PDGFD: variants seen among roughly 807,000 people sequenced by gnomAD.
PDGFD encodes the protein platelet derived growth factor D.
PDGFD carries 30 observed loss-of-function variants against 44.7 expected under a neutral mutation model. The ratio of observed to expected loss-of-function variants is 0.67; its 90% CI spans 0.50 to 0.91. The LOEUF is 0.91. Ranked by LOEUF, PDGFD falls within the 40% of genes least tolerant of loss-of-function variation. PDGFD has a pLI of 0.00. For synonymous variants in PDGFD, 173 were observed against 168.4 expected (o/e 1.03, Z -0.21); for missense variants, 445 against 457.8 (o/e 0.97, Z 0.25).
chr11:104,037,387 G>GA, intron 1 of PDGFD: 2 of 1,614,122 alleles, frequency 1.2e-6, no homozygotes, highest in Non-Finnish European at 1.7e-6. Context: ...GCAGCAAAGG[G>GA]AAAAGGCCTT....
At chr11:103,932,346 C>T (rs1311438406) in intron 5 of PDGFD, among the ~76,000 whole-genome samples, 1 of 152,000 alleles carries the variant, frequency 6.6e-6, no homozygotes, top group Admixed American at 6.6e-5. Flanking sequence ...TAATACTGAC[C>T]AACTATAGGC....
At position 104,057,915 on chromosome 11, in the gene PDGFD, C is replaced by T. The variant is rs993707726; in HGVS notation, c.125-57660G>A. The stretch of plus-strand genomic sequence containing the variant: ...ATAAAGATGTCAAAATAATTTAATG[C>T]GGAAAGATTAGTTTTCAATAAATTG... On this transcript the variant is annotated intron_variant, in intron 1 of 6. Coordinates refer to ENST00000393158, the MANE Select transcript of PDGFD (RefSeq NM_025208.5). 2.6e-5 allele frequency among the ~76,000 whole-genome samples: 4 copies of T among 152,056 alleles called. No homozygotes were observed. The East Asian group carries it at 5.8e-4, about 22-fold the overall frequency.
intron 3 of PDGFD, among the ~76,000 whole-genome samples, chr11:103,984,597 A>C (rs1859324633): frequency 6.6e-6 from 1 of 151,428 alleles, no homozygotes; most frequent in Non-Finnish European, 1.5e-5. Context: ...TATTCATAGT[A>C]GTTGTGTTTA....
chr11:103,935,700 T>C (rs2134316935), intron 5 of PDGFD, among the ~76,000 whole-genome samples: 1 of 152,330 alleles, frequency 6.6e-6, no homozygotes, highest in South Asian at 2.1e-4. Context: ...GAGCAATTAA[T>C]AGAAATATCT....
At chr11:104,141,049 CTCT>C (rs1490418421) in intron 1 of PDGFD, among the ~76,000 whole-genome samples, 2 of 152,178 alleles carry the variant, frequency 1.3e-5, no homozygotes, top group South Asian at 2.1e-4. Context: ...GCTTCTATCT[CTCT>C]TCTTCTCCAA....
chr11:104,163,027 G>A (rs1342192464), intron 1 of PDGFD, among the ~76,000 whole-genome samples: 1 of 152,170 alleles, frequency 6.6e-6, no homozygotes, highest in African/African-American at 2.4e-5. Flanking sequence ...GTGTCCTCTA[G>A]AGTAAAGGAA....
intron 3 of PDGFD, among the ~76,000 whole-genome samples, chr11:103,975,798 T>A (rs1859175981): frequency 6.6e-6 from 1 of 152,142 alleles, no homozygotes; most frequent in Non-Finnish European, 1.5e-5. Flanking sequence ...GAAGATCAGA[T>A]TGTTGTAGAG....
In PDGFD at chr11:104,040,754, C is replaced by T. The variant is rs540397911; in HGVS notation, c.125-40499G>A. 2.4e-4 allele frequency among the ~76,000 whole-genome samples: 36 copies of T among 151,834 alleles called. 1 individual carries two copies. Among genetic ancestry groups the T allele is most frequent in the Non-Finnish European group, 4.7e-4 (32 of 67,802 alleles). ...CAACAAACTACATTTTACATTGTGA[C>T]CCAATTTTACACACTATACACACAC... On this transcript the variant is annotated intron_variant, in intron 1 of 6. Transcript: ENST00000393158.
chr11:104,071,333 T>C (rs912807198), intron 1 of PDGFD, among the ~76,000 whole-genome samples: 1 of 151,744 alleles, frequency 6.6e-6, no homozygotes. Context: ...ATTGTAAATA[T>C]ATGTGTATAT....
chr11:103,920,943 T>A (rs1027946594), intron 6 of PDGFD, among the ~76,000 whole-genome samples: 2 of 152,208 alleles, frequency 1.3e-5, no homozygotes, highest in African/African-American at 4.8e-5. Flanking sequence ...TAACAACAGA[T>A]AATGAATATG....
At chr11:103,925,716 C>CACACACACATATAT (rs1198529368) in intron 6 of PDGFD, among the ~76,000 whole-genome samples, 15 of 122,778 alleles carry the variant, frequency 1.2e-4, no homozygotes, top group African/African-American at 4.2e-4. Flanking sequence ...CACACACACA[C>CACACACACATATAT]ATATATATAT....
At chr11:104,028,196 A>G (rs1165626060) in intron 1 of PDGFD, among the ~76,000 whole-genome samples, 2 of 151,506 alleles carry the variant, frequency 1.3e-5, no homozygotes, top group East Asian at 3.9e-4. Context: ...TCAAAGAAAA[A>G]AAAAAAAAAA....
intron 1 of PDGFD, among the ~76,000 whole-genome samples, chr11:104,033,049 GGT>G (rs34144830): frequency 0.058 from 8,526 of 146,202 alleles, 819 homozygotes; most frequent in African/African-American, 0.2. Context: ...TATGTTTAGG[GGT>G]GTGTGTGTGT....
chr11:103,972,532 A>C (rs551637758), intron 3 of PDGFD, among the ~76,000 whole-genome samples: 2 of 152,136 alleles, frequency 1.3e-5, no homozygotes, highest in African/African-American at 4.8e-5. Flanking sequence ...GCCAGTCACT[A>C]TCCTGGCTTC....
At chr11:104,007,373 T>C (rs1859719273) in intron 1 of PDGFD, among the ~76,000 whole-genome samples, 3 of 152,168 alleles carry the variant, frequency 2.0e-5, no homozygotes, top group African/African-American at 7.2e-5. Flanking sequence ...TATGTGATAA[T>C]CCATCATCAT....
At chr11:103,914,542 C>T (rs1858083575) in intron 6 of PDGFD, among the ~76,000 whole-genome samples, 1 of 147,726 alleles carries the variant, frequency 6.8e-6, no homozygotes, top group African/African-American at 2.5e-5. Context: ...TGGTACTATT[C>T]CTTCTGAAAC....
At chr11:104,088,986 T>C (rs1463631836) in intron 1 of PDGFD, among the ~76,000 whole-genome samples, 1 of 152,144 alleles carries the variant, frequency 6.6e-6, no homozygotes, top group Non-Finnish European at 1.5e-5. Context: ...TATACTGCTT[T>C]CACCTTTAAG....
chr11:103,909,648 A>T lies in PDGFD; in HGVS notation c.*46T>A, dbSNP rs771869112. ...AAGGGTCTCTTATCTCACCCTCCTTAAACTAAAGGTTCTTTCAGGCTTAAT... is the reference window on the plus strand; with the variant it reads ...AAGGGTCTCTTATCTCACCCTCCTTTAACTAAAGGTTCTTTCAGGCTTAAT... On this transcript the variant is annotated 3_prime_UTR_variant, in exon 7 of 7. Transcript: ENST00000393158. 6.2e-7 allele frequency: 1 copy of T among 1,609,984 alleles called. No individual in the cohort carries two copies. The highest frequency in any genetic ancestry group is 8.5e-7 in the Non-Finnish European group (1 of 1,176,526).
intron 2 of PDGFD, 36 bp downstream of exon 2, chr11:104,000,015 T>C (rs1859596214): frequency 6.5e-7 from 1 of 1,547,142 alleles, no homozygotes; most frequent in East Asian, 2.2e-5. Context: ...TTTTTCACCT[T>C]GAAATAGTAC....
Sources: allele counts gnomAD v4.1 joint callset (sites outside exome capture counted in the v4.1 genomes callset), GRCh38; gene constraint gnomAD v4.1.1; transcripts MANE v1.5; gene names NCBI Gene and HGNC (gene_info 2026-07-23, HGNC 2026-07-21).